WDR48: variants seen among roughly 807,000 people sequenced by gnomAD.
WDR48 encodes the protein WD repeat domain 48.
WDR48 carries 22 observed loss-of-function variants against 94.0 expected under a neutral mutation model. That is an observed-to-expected ratio of 0.23 (90% CI 0.17 to 0.33). The LOEUF (loss-of-function observed/expected upper bound fraction) is 0.33. Among genes scored for constraint, WDR48 ranks in the 10% least tolerant of loss-of-function variants. WDR48 has a pLI of 1.00. For synonymous variants in WDR48, 278 were observed against 280.5 expected (o/e 0.99, Z 0.09); for missense variants, 541 against 813.8 (o/e 0.66, Z 4.08).
intron 9 of WDR48, 26 bp downstream of exon 9, chr3:39,077,239 G>A (rs749942119): frequency 1.2e-6 from 2 of 1,613,320 alleles, no homozygotes; most frequent in Non-Finnish European, 1.7e-6. Flanking sequence ...ACCTGGCAAA[G>A]GTTTATAAAC....
chr3:39,083,623 T>A (rs1355764319), intron 11 of WDR48, among the ~76,000 whole-genome samples: 2 of 151,802 alleles, frequency 1.3e-5, no homozygotes. Flanking sequence ...AGAAGAGAGA[T>A]TTAGTTGAGA....
chr3:39,094,250 T>C, intron 18 of WDR48, 184 bp downstream of exon 18: 3 of 1,442,052 alleles, frequency 2.1e-6, no homozygotes, highest in East Asian at 2.5e-5. Flanking sequence ...AAGGGATACA[T>C]AGACAAATGT....
intron 7 of WDR48, among the ~76,000 whole-genome samples, chr3:39,073,280 GGTTA>G (rs1206446835): frequency 1.3e-5 from 2 of 152,118 alleles, no homozygotes. Context: ...TTGCTTTATT[GGTTA>G]GTTTCTTGGT....
intron 1 of WDR48, chr3:39,052,358 G>A: frequency 2.4e-6 from 1 of 412,608 alleles, no homozygotes. Flanking sequence ...TTGCGGGGTC[G>A]GGATAGGCTC....
At chr3:39,085,732 C>T in intron 14 of WDR48, 122 bp downstream of exon 14, 1 of 779,520 alleles carries the variant, frequency 1.3e-6, no homozygotes. Context: ...AGTTTATTGT[C>T]CTCTCTTCCA....
chr3:39,072,927 A>G (rs2034017646), intron 7 of WDR48, among the ~76,000 whole-genome samples: 1 of 152,224 alleles, frequency 6.6e-6, no homozygotes, highest in Non-Finnish European at 1.5e-5. Flanking sequence ...ATCAGAGATT[A>G]CTTGGCGTTC....
At position 39,074,813 on chromosome 3, in the gene WDR48, G is replaced by C; in HGVS notation, c.760G>C (p.Gly254Arg). The C allele has an allele frequency of 3.7e-6, 6 of 1,614,220 alleles. No homozygotes were observed. Among genetic ancestry groups the C allele is most frequent in the Non-Finnish European group, 5.1e-6 (6 of 1,180,044 alleles). Reference sequence around the variant, plus strand: ...AGCAACATACCGAGTCCATGATGAAGGTGTTTGGGCGCTGCAAGTCAATGA... The same window carrying C: ...AGCAACATACCGAGTCCATGATGAACGTGTTTGGGCGCTGCAAGTCAATGA... ...CIATYRVHDE[G>R]VWALQVNDAF... Residue 254 changes from glycine (G) to arginine (R), a missense_variant, in exon 8 of 19, where the codon GGT becomes CGT. Physicochemically the swap from Gly to Arg is moderately radical, Grantham distance 125. Transcript: ENST00000302313.
At chr3:39,064,815 C>T (rs2033500339) in intron 2 of WDR48, among the ~76,000 whole-genome samples, 1 of 152,176 alleles carries the variant, frequency 6.6e-6, no homozygotes, top group South Asian at 2.1e-4. Flanking sequence ...GCCAATGGAC[C>T]ATGCAGTGGT....
At chr3:39,056,561 G>A (rs1232260386) in intron 1 of WDR48, among the ~76,000 whole-genome samples, 1 of 152,202 alleles carries the variant, frequency 6.6e-6, no homozygotes, top group Admixed American at 6.5e-5. Flanking sequence ...GATGACGAGG[G>A]AGTGGAGGAA....
intron 5 of WDR48, 136 bp downstream of exon 5, chr3:39,067,011 T>C (rs1292306383): frequency 1.7e-5 from 18 of 1,060,574 alleles, no homozygotes; most frequent in Non-Finnish European, 2.4e-5. Context: ...TACAGCGTTC[T>C]GGCCCCCAAG....
intron 13 of WDR48, among the ~76,000 whole-genome samples, chr3:39,084,999 G>A (rs970440380): frequency 1.3e-5 from 2 of 152,144 alleles, no homozygotes; most frequent in South Asian, 2.1e-4. Context: ...AGGCCGAGGC[G>A]GGTGGATCAC....
intron 1 of WDR48, among the ~76,000 whole-genome samples, chr3:39,055,254 A>G (rs2032797136): frequency 6.6e-6 from 1 of 152,220 alleles, no homozygotes; most frequent in Non-Finnish European, 1.5e-5. Context: ...TGGGAGGCCA[A>G]GGTGGGCAGA....
chr3:39,063,051 T>G lies in WDR48; in HGVS notation c.50T>G (p.Val17Gly). 1 of 1,614,042 alleles carries G rather than the reference T, an allele frequency of 6.2e-7. No homozygotes were observed. The highest frequency in any genetic ancestry group is 8.5e-7 in the Non-Finnish European group (1 of 1,179,932). ...QNTAGRRKVQ[V>G]SYVIRDEVEK... The stretch of plus-strand genomic sequence containing the variant: ...AGCATATGTTGACACATTTGTCAGG[T>G]TTCCTATGTTATTCGAGATGAAGTG... The change falls in exon 2 of 19, where the codon GTT becomes GGT. Residue 17 changes from valine (V) to glycine (G), a missense_variant and splice_region_variant. Coordinates refer to ENST00000302313, the MANE Select transcript of WDR48 (RefSeq NM_020839.4).
At chr3:39,089,903 T>C (rs916454896) in intron 16 of WDR48, 13 of 152,270 alleles carry the variant, frequency 8.5e-5, no homozygotes, top group African/African-American at 3.1e-4. Context: ...CAGTCCCCTA[T>C]TAATGGACAT....
intron 7 of WDR48, among the ~76,000 whole-genome samples, chr3:39,070,778 G>T (rs571351680): frequency 6.6e-6 from 1 of 151,220 alleles, no homozygotes; most frequent in East Asian, 1.9e-4. Flanking sequence ...TGCCATGCTG[G>T]TGCGCTGCAC....
intron 12 of WDR48, 57 bp downstream of exon 12, chr3:39,084,319 CT>C: frequency 7.8e-7 from 1 of 1,274,434 alleles, no homozygotes; most frequent in Non-Finnish European, 1.1e-6. Flanking sequence ...TTCATTATAG[CT>C]TATAATTATT....
At position 39,063,093 on chromosome 3, in the gene WDR48, A is replaced by G. The variant is rs372290329; in HGVS notation, c.92A>G (p.Asn31Ser). ...GATGAAGTGGAGAAGTACAACCGAA[A>G]TGGAGTCAATGCTCTGCAGCTGGAT... ...IRDEVEKYNRNGVNALQLDPA... is the reference protein window; with the variant it reads ...IRDEVEKYNRSGVNALQLDPA... The change falls in exon 2 of 19, where the codon AAT becomes AGT. Residue 31 changes from asparagine to serine, a missense_variant. Physicochemically the swap from Asn to Ser is conservative, Grantham distance 46. Transcript: ENST00000302313. The G allele has an allele frequency of 6.2e-6, 10 of 1,614,032 alleles. No individual in the cohort carries two copies. Among genetic ancestry groups the G allele is most frequent in the Non-Finnish European group, 7.6e-6 (9 of 1,179,996 alleles).
chr3:39,079,756 A>T lies in WDR48; in HGVS notation c.1121A>T (p.His374Leu). The change falls in exon 11 of 19, where the codon CAT becomes CTT. Residue 374 changes from histidine (H) to leucine (L), a missense_variant. Around this residue, in one of 5 missense-constraint regions of WDR48, gnomAD observed 238 missense variants for 285.3 expected, o/e 0.83. Transcript: ENST00000302313. ...TGCCACATTCTTAATGATAAGAGACATATATTAACCAAAGATACCAATAAT... is the reference window on the plus strand; with the variant it reads ...TGCCACATTCTTAATGATAAGAGACTTATATTAACCAAAGATACCAATAAT... ...IQCHILNDKR[H>L]ILTKDTNNNV... 6.4e-7 allele frequency: 1 copy of T among 1,558,550 alleles called. No homozygotes were observed. The highest frequency in any genetic ancestry group is 8.6e-7 in the Non-Finnish European group (1 of 1,160,614).
intron 7 of WDR48, among the ~76,000 whole-genome samples, 154 bp downstream of exon 7, chr3:39,069,898 A>G (rs2033833425): frequency 6.6e-6 from 1 of 152,260 alleles, no homozygotes; most frequent in South Asian, 2.1e-4. Context: ...CATATAAGCT[A>G]CATTTAAAAA....
Sources: allele counts gnomAD v4.1 joint callset (sites outside exome capture counted in the v4.1 genomes callset), GRCh38; gene constraint gnomAD v4.1.1; regional missense constraint gnomAD v4.1.1; transcripts MANE v1.5; gene names NCBI Gene and HGNC (gene_info 2026-07-23, HGNC 2026-07-21).